The following RGS5 variants were observed in gnomAD, a reference collection of about 807,000 sequenced individuals.
The protein encoded by RGS5 is regulator of G protein signaling 5, also known as regulator of G-protein signalling 5.
RGS5 carries 20 observed loss-of-function variants against 18.9 expected under a neutral mutation model. That is an observed-to-expected ratio of 1.06 (90% CI 0.74 to 1.54). The LOEUF is 1.54. Among genes scored for constraint, RGS5 ranks in the 40% most tolerant of loss-of-function variants. The probability of loss-of-function intolerance (pLI) is 0.00; values close to 1 mark genes in which losing one functional copy is unlikely to be tolerated. For missense variants in RGS5, 201 were observed against 211.8 expected, an observed-to-expected ratio of 0.95 and a Z score of 0.32; for synonymous variants, 57 against 76.2, an observed-to-expected ratio of 0.75 and a Z score of 1.31.
At chr1:163,273,266 TG>T (rs1648767765) in intron 2 of RGS5, among the ~76,000 whole-genome samples, 1 of 152,136 alleles carries the variant, frequency 6.6e-6, no homozygotes, top group African/African-American at 2.4e-5. Context: ...TTGATAGCAT[TG>T]CTCAAATTTT....
At chr1:163,311,812 C>T (rs1276515264) in intron 1 of RGS5, among the ~76,000 whole-genome samples, 2 of 152,022 alleles carry the variant, frequency 1.3e-5, no homozygotes, top group Non-Finnish European at 2.9e-5. Context: ...AGAGAATTAC[C>T]AAAATGTGAC....
chr1:163,190,173 G>C (rs1659282609), intron 1 of RGS5, among the ~76,000 whole-genome samples: 1 of 152,096 alleles, frequency 6.6e-6, no homozygotes, highest in South Asian at 2.1e-4. Context: ...GCAATATAGA[G>C]TAGAGGCTGA....
chr1:163,204,309 C>CCACA (rs10616125), upstream of RGS5, among the ~76,000 whole-genome samples: 1,510 of 145,080 alleles, frequency 0.01, 16 homozygotes, highest in African/African-American at 0.03. Context: ...TGGCTCTAAA[C>CCACA]CACACACACA....
rs960351108 is a variant in RGS5, at chr1:163,144,621, C to T, written c.*2721G>A. On this transcript the variant is annotated 3_prime_UTR_variant, in exon 5 of 5. Coordinates refer to ENST00000313961, the MANE Select transcript of RGS5 (RefSeq NM_003617.4). ...CTTCATGCTTTCCCAGACATTTACTCAAGGGAACGTGGAGAGGAGGAGGAG... is the reference window on the plus strand; with the variant it reads ...CTTCATGCTTTCCCAGACATTTACTTAAGGGAACGTGGAGAGGAGGAGGAG... 3 of 152,540 alleles carry T rather than the reference C, an allele frequency of 2.0e-5. No individual in the cohort carries two copies. The highest frequency in any genetic ancestry group is 4.4e-5 in the Non-Finnish European group (3 of 68,028). 9.4% of individuals were successfully genotyped at this position (152,540 alleles called of 1,614,324 possible).
intron 2 of RGS5, among the ~76,000 whole-genome samples, chr1:163,290,398 C>G (rs947989593): frequency 2.6e-5 from 4 of 152,202 alleles, no homozygotes; most frequent in Non-Finnish European, 4.4e-5. Flanking sequence ...ATCTTACAAA[C>G]AATATCTGAC....
chr1:163,162,171 T>A (rs1329751092), intron 2 of RGS5, among the ~76,000 whole-genome samples, 195 bp from the exon 3 acceptor site: 1 of 152,236 alleles, frequency 6.6e-6, no homozygotes, highest in Non-Finnish European at 1.5e-5. Flanking sequence ...CATACATCTT[T>A]ATTGCATATC....
chr1:163,220,418 T>C (rs1300397890), upstream of RGS5, among the ~76,000 whole-genome samples: 14 of 152,226 alleles, frequency 9.2e-5, no homozygotes, highest in Non-Finnish European at 2.9e-5. Context: ...GAATCACGTG[T>C]GTGTTGCACT....
At chr1:163,279,553 C>T (rs529707524) in intron 2 of RGS5, among the ~76,000 whole-genome samples, 5 of 151,866 alleles carry the variant, frequency 3.3e-5, no homozygotes, top group African/African-American at 4.8e-5. Context: ...TAGCACTAAA[C>T]AACTACATCA....
chr1:163,169,791 G>GATTATTT (rs1371595499), intron 1 of RGS5, among the ~76,000 whole-genome samples: 3 of 152,058 alleles, frequency 2.0e-5, no homozygotes, highest in Admixed American at 2.0e-4. Context: ...CATTCCACTT[G>GATTATTT]ATTATTTATT....
intron 1 of RGS5, chr1:163,212,944 G>T (rs1026609977): frequency 6.6e-6 from 1 of 151,978 alleles, no homozygotes; most frequent in Admixed American, 6.6e-5. Flanking sequence ...ATTAGCTTAT[G>T]CTCCCTATCT....
In RGS5 at chr1:163,179,688, T is replaced by C. The variant is rs530923391; in HGVS notation, c.45-11320A>G. On this transcript the variant is annotated intron_variant, in intron 1 of 4. Coordinates refer to ENST00000313961, the MANE Select transcript of RGS5 (RefSeq NM_003617.4). ...CTGTTTTCTGCCAAAAAAGAAAAGG[T>C]AGAAAAAGAGAAAGGGAGAAAGGAA... 3.9e-5 allele frequency among the ~76,000 whole-genome samples: 6 copies of C among 152,134 alleles called. No homozygotes were observed. The South Asian group carries it at 1.2e-3, about 32-fold the overall frequency.
chr1:163,152,173 A>G (rs1041151943), intron 4 of RGS5, among the ~76,000 whole-genome samples: 5 of 152,262 alleles, frequency 3.3e-5, no homozygotes, highest in African/African-American at 7.2e-5. Flanking sequence ...TTCAACCTGT[A>G]TAAGTTTTTA....
rs555709316 is a variant in RGS5, at chr1:163,157,152, T to G, written c.218-4436A>C. The stretch of plus-strand genomic sequence containing the variant: ...AGGAGATGCTCTGGCCTTCTGAAAC[T>G]CCTAGGGAAGGGAGATCCACATAAA... On this transcript the variant is annotated intron_variant, in intron 3 of 4. Coordinates refer to ENST00000313961, the MANE Select transcript of RGS5 (RefSeq NM_003617.4). Among the ~76,000 whole-genome samples the G allele has an allele frequency of 5.3e-5, 8 of 152,188 alleles. No homozygotes were observed. In the East Asian group the frequency reaches 1.5e-3, roughly 29 times the overall value.
At chr1:163,262,776 A>G (rs571822748) in intron 2 of RGS5, among the ~76,000 whole-genome samples, 9 of 151,174 alleles carry the variant, frequency 6.0e-5, no homozygotes, top group Middle Eastern at 3.4e-3. Context: ...TCCCACCAAC[A>G]GTGTAAAAGT....
intron 1 of RGS5, among the ~76,000 whole-genome samples, chr1:163,306,932 C>T (rs771899650): frequency 1.3e-5 from 2 of 152,188 alleles, no homozygotes; most frequent in African/African-American, 2.4e-5. Context: ...GGCTCCAGGA[C>T]TGTGAGACAA....
intron 1 of RGS5, among the ~76,000 whole-genome samples, chr1:163,169,872 G>A (rs1658222301): frequency 6.6e-6 from 1 of 152,060 alleles, no homozygotes. Context: ...CTTATGTGCA[G>A]TAAGCCTTGA....
chr1:163,203,341 A>C (rs983991227), upstream of RGS5, among the ~76,000 whole-genome samples: 7 of 152,154 alleles, frequency 4.6e-5, no homozygotes, highest in East Asian at 1.3e-3. Context: ...AAATCTAGGG[A>C]ATTCAAGGAA....
In RGS5 at chr1:163,169,207, G is replaced by A. The variant is rs1658193869; in HGVS notation, c.45-839C>T. Among the ~76,000 whole-genome samples the A allele has an allele frequency of 2.0e-5, 3 of 152,092 alleles. No individual in the cohort carries two copies. The South Asian group carries it at 6.2e-4, about 32-fold the overall frequency. Reference sequence around the variant, plus strand: ...GGACATGAACTCATCATTTTTTATGGCTGCATAGTATTCCATGGTGTATAT... The same window carrying A: ...GGACATGAACTCATCATTTTTTATGACTGCATAGTATTCCATGGTGTATAT... On this transcript the variant is annotated intron_variant, in intron 1 of 4. Coordinates refer to ENST00000313961, the MANE Select transcript of RGS5 (RefSeq NM_003617.4).
upstream of RGS5, among the ~76,000 whole-genome samples, chr1:163,220,757 C>T (rs1453389036): frequency 1.3e-5 from 2 of 152,080 alleles, no homozygotes; most frequent in East Asian, 3.9e-4. Context: ...GGGAAATTAA[C>T]CTGGATTATC....
Sources: allele counts gnomAD v4.1 joint callset (sites outside exome capture counted in the v4.1 genomes callset), GRCh38; gene constraint gnomAD v4.1.1; transcripts MANE v1.5; gene names NCBI Gene and HGNC (gene_info 2026-07-23, HGNC 2026-07-21).